PDE3A: variants seen among roughly 807,000 people sequenced by gnomAD.
PDE3A encodes the protein cGMP-inhibited 3',5'-cyclic phosphodiesterase 3A.
In PDE3A, 43 loss-of-function variants were observed where a neutral mutation model predicts 98.3. That is an observed-to-expected ratio of 0.44 (90% confidence interval 0.34 to 0.56). The LOEUF (loss-of-function observed/expected upper bound fraction) is 0.56. Among genes scored for constraint, PDE3A ranks in the 20% least tolerant of loss-of-function variants. The pLI is 0.01. For synonymous variants in PDE3A, 663 were observed against 567.9 expected (o/e 1.17, Z -2.38); for missense variants, 1,427 against 1,440.7 (o/e 0.99, Z 0.15).
In PDE3A at chr12:20,681,151, C is replaced by G. The variant is rs1945772778; in HGVS notation, c.*880C>G. The G allele has an allele frequency of 6.6e-6, 1 of 152,104 alleles. No individual in the cohort carries two copies. The highest frequency in any genetic ancestry group is 1.5e-5 in the Non-Finnish European group (1 of 68,074). 9.4% of individuals were successfully genotyped at this position (152,104 alleles called of 1,614,324 possible). Reference sequence around the variant, plus strand: ...GGTATTACATTACTGCTATGCACCACTTGAAGGAGCTCTATCACCAGCCTC... The same window carrying G: ...GGTATTACATTACTGCTATGCACCAGTTGAAGGAGCTCTATCACCAGCCTC... On this transcript the variant is annotated 3_prime_UTR_variant, in exon 16 of 16. Coordinates refer to ENST00000359062, the MANE Select transcript of PDE3A (RefSeq NM_000921.5).
rs550771104 is a variant in PDE3A, at chr12:20,600,266, A to G, written c.1012-13177A>G. On this transcript the variant is annotated intron_variant, in intron 2 of 15. Coordinates refer to ENST00000359062, the MANE Select transcript of PDE3A (RefSeq NM_000921.5). ...GGAATCATCCAATAAATACCTCAGT[A>G]CCCTCGTCCAAACTGATTCCTTCTC... Among the ~76,000 whole-genome samples, 34 of 152,284 alleles carry G rather than the reference A, an allele frequency of 2.2e-4. 2 individuals are homozygous for G. The South Asian group carries it at 6.8e-3, about 31-fold the overall frequency.
intron 15 of PDE3A, among the ~76,000 whole-genome samples, chr12:20,659,635 C>G (rs1945115014): frequency 6.6e-6 from 1 of 152,022 alleles, no homozygotes; most frequent in South Asian, 2.1e-4. Flanking sequence ...CAGGACCTCA[C>G]TATGTTTCCC....
At chr12:20,670,468 T>C (rs1287822306) in intron 15 of PDE3A, among the ~76,000 whole-genome samples, 1 of 152,080 alleles carries the variant, frequency 6.6e-6, no homozygotes, top group African/African-American at 2.4e-5. Flanking sequence ...CCTCAGCAAA[T>C]GTAAAAGGAC....
intron 2 of PDE3A, among the ~76,000 whole-genome samples, chr12:20,564,049 T>C (rs1056797075): frequency 6.6e-6 from 1 of 152,124 alleles, no homozygotes; most frequent in Non-Finnish European, 1.5e-5. Context: ...TTGCTGACAA[T>C]GTCCACAGCA....
At chr12:20,677,183 T>A (rs1277989410) in intron 15 of PDE3A, among the ~76,000 whole-genome samples, 1 of 152,186 alleles carries the variant, frequency 6.6e-6, no homozygotes, top group Non-Finnish European at 1.5e-5. Flanking sequence ...CCAGAGTTTG[T>A]CTTTGGTTCT....
intron 2 of PDE3A, among the ~76,000 whole-genome samples, chr12:20,598,243 C>T (rs1020738078): frequency 2.6e-5 from 4 of 151,618 alleles, no homozygotes; most frequent in East Asian, 1.9e-4. Flanking sequence ...AGTGCAATGG[C>T]GCGATCTCAG....
chr12:20,688,502 AATT>A lies in PDE3A; in HGVS notation c.*8236_*8238del, dbSNP rs1403653972. Among the ~76,000 whole-genome samples the A allele has an allele frequency of 6.6e-6, 1 of 151,642 alleles. No homozygotes were observed. Among genetic ancestry groups the A allele is most frequent in the Admixed American group, 6.6e-5 (1 of 15,162 alleles). On this transcript the variant is annotated 3_prime_UTR_variant, in exon 16 of 16. Coordinates refer to ENST00000359062, the MANE Select transcript of PDE3A (RefSeq NM_000921.5). ...AATATTACAGTAAATATATACTCAA[AATT>A]ATTAAAATTATGTCCTAGATTATCT...
intron 1 of PDE3A, among the ~76,000 whole-genome samples, chr12:20,425,453 T>G (rs188565555): frequency 2.0e-5 from 3 of 152,312 alleles, no homozygotes; most frequent in Admixed American, 2.0e-4. Flanking sequence ...AGGAACTTTG[T>G]GACTTGTAAA....
At chr12:20,554,520 C>T (rs1331641251) in intron 1 of PDE3A, among the ~76,000 whole-genome samples, 4 of 150,428 alleles carry the variant, frequency 2.7e-5, no homozygotes, top group Non-Finnish European at 4.4e-5. Context: ...TTAATATTAC[C>T]ATTTATTATA....
At chr12:20,583,273 T>C (rs1225773244) in intron 2 of PDE3A, among the ~76,000 whole-genome samples, 3 of 152,252 alleles carry the variant, frequency 2.0e-5, no homozygotes, top group Non-Finnish European at 4.4e-5. Context: ...TTAAAAACTT[T>C]ATTTTTTAAA....
At chr12:20,559,282 A>G (rs1214935184) in intron 2 of PDE3A, among the ~76,000 whole-genome samples, 3 of 152,114 alleles carry the variant, frequency 2.0e-5, no homozygotes, top group Non-Finnish European at 4.4e-5. Flanking sequence ...GCCTAGGTGT[A>G]TAATAGGCTA....
At chr12:20,662,857 C>T (rs1460910644) in intron 15 of PDE3A, among the ~76,000 whole-genome samples, 1 of 152,134 alleles carries the variant, frequency 6.6e-6, no homozygotes, top group African/African-American at 2.4e-5. Flanking sequence ...AACAAGGAGC[C>T]AAATGTTAAT....
At chr12:20,555,544 A>C (rs2121268365) in intron 1 of PDE3A, among the ~76,000 whole-genome samples, 1 of 152,306 alleles carries the variant, frequency 6.6e-6, no homozygotes, top group East Asian at 1.9e-4. Flanking sequence ...GTATCGCTAC[A>C]CTTATTCATC....
chr12:20,593,286 A>G (rs533503700), intron 2 of PDE3A, among the ~76,000 whole-genome samples: 32 of 152,328 alleles, frequency 2.1e-4, no homozygotes, highest in Non-Finnish European at 3.7e-4. Context: ...GGGATGAGGC[A>G]TTAGTAGAGC....
chr12:20,633,100 C>T (rs959780936), intron 6 of PDE3A, among the ~76,000 whole-genome samples: 2 of 151,870 alleles, frequency 1.3e-5, no homozygotes, highest in African/African-American at 4.8e-5. Context: ...TACAGGCATC[C>T]ACCACCCTGC....
At chr12:20,380,127 G>T (rs949688284) in intron 1 of PDE3A, among the ~76,000 whole-genome samples, 2 of 151,786 alleles carry the variant, frequency 1.3e-5, no homozygotes, top group African/African-American at 4.8e-5. Context: ...TTATACTCTA[G>T]TAGTCTGCAT....
chr12:20,422,250 G>A (rs1392939529), intron 1 of PDE3A, among the ~76,000 whole-genome samples: 1 of 151,968 alleles, frequency 6.6e-6, no homozygotes, highest in Non-Finnish European at 1.5e-5. Context: ...GGAGGCTGAG[G>A]GGAGAATGGC....
At chr12:20,483,374 C>T (rs1341936612) in intron 1 of PDE3A, among the ~76,000 whole-genome samples, 4 of 151,888 alleles carry the variant, frequency 2.6e-5, no homozygotes, top group South Asian at 2.1e-4. Flanking sequence ...GTTGACATAG[C>T]GACACTCCAT....
intron 1 of PDE3A, among the ~76,000 whole-genome samples, chr12:20,442,449 C>T (rs530027272): frequency 5.9e-5 from 9 of 152,280 alleles, no homozygotes; most frequent in African/African-American, 2.2e-4. Context: ...AGAGGGAGAG[C>T]ACATGGTAGT....
Sources: allele counts gnomAD v4.1 joint callset (sites outside exome capture counted in the v4.1 genomes callset), GRCh38; gene constraint gnomAD v4.1.1; transcripts MANE v1.5; gene names NCBI Gene and HGNC (gene_info 2026-07-23, HGNC 2026-07-21).